CNTNAP2: variants seen among roughly 807,000 people sequenced by gnomAD.
CNTNAP2 encodes contactin-associated protein-like 2.
CNTNAP2 carries 98 observed loss-of-function variants against 155.2 expected under a neutral mutation model. The ratio of observed to expected loss-of-function variants is 0.63; its 90% CI spans 0.54 to 0.75. The LOEUF is 0.75. CNTNAP2 is among the 30% of genes least tolerant of loss of function. The pLI, the probability that CNTNAP2 is intolerant of heterozygous loss-of-function variation, is 0.00. For synonymous variants in CNTNAP2, 651 were observed against 631.2 expected (o/e 1.03, Z -0.47); for missense variants, 1,727 against 1,688.1 (o/e 1.02, Z -0.40).
At chr7:147,514,012 T>G (rs1368970471) in intron 11 of CNTNAP2, among the ~76,000 whole-genome samples, 1 of 152,098 alleles carries the variant, frequency 6.6e-6, no homozygotes, top group African/African-American at 2.4e-5. Flanking sequence ...GACACTCAGA[T>G]CTCTGCTGGA....
In CNTNAP2 at chr7:146,552,861, G is replaced by A. The variant is rs114924137; in HGVS notation, c.98-221410G>A. Among the ~76,000 whole-genome samples the A allele has an allele frequency of 7.8e-3, 1,182 of 152,090 alleles. 13 individuals are homozygous for A. Among genetic ancestry groups the A allele is most frequent in the African/African-American group, 0.027 (1,122 of 41,476 alleles). On this transcript the variant is annotated intron_variant, in intron 1 of 23. Transcript: ENST00000361727. Reference sequence around the variant, plus strand: ...CTGAAAAGTCTTTCCTCAGATAAATGCATGTCTGACTCCCTAATTCCCTTC... The same window carrying A: ...CTGAAAAGTCTTTCCTCAGATAAATACATGTCTGACTCCCTAATTCCCTTC...
chr7:147,299,864 C>CT (rs894074535), intron 8 of CNTNAP2, among the ~76,000 whole-genome samples: 15 of 152,202 alleles, frequency 9.9e-5, no homozygotes, highest in Middle Eastern at 6.8e-3. Context: ...ATCTAAATGA[C>CT]TTTTTTTCAA....
At chr7:146,980,098 C>T (rs778595286) in intron 3 of CNTNAP2, among the ~76,000 whole-genome samples, 5 of 151,780 alleles carry the variant, frequency 3.3e-5, no homozygotes, top group Non-Finnish European at 7.4e-5. Context: ...AAGAAAAGAG[C>T]CCAGGACAGA....
intron 13 of CNTNAP2, among the ~76,000 whole-genome samples, chr7:147,819,413 C>A (rs1020846129): frequency 9.2e-5 from 14 of 152,144 alleles, no homozygotes; most frequent in Admixed American, 6.5e-5. Flanking sequence ...TTTCTCCAAT[C>A]CCATCTAAAT....
At chr7:147,838,975 A>G (rs1330193102) in intron 13 of CNTNAP2, among the ~76,000 whole-genome samples, 4 of 152,102 alleles carry the variant, frequency 2.6e-5, no homozygotes, top group Non-Finnish European at 5.9e-5. Flanking sequence ...GACTCACATG[A>G]TCATAAGGTG....
intron 1 of CNTNAP2, among the ~76,000 whole-genome samples, chr7:146,638,129 G>A (rs555887925): frequency 6.6e-6 from 1 of 152,146 alleles, no homozygotes; most frequent in Non-Finnish European, 1.5e-5. Flanking sequence ...TTCTATTTCT[G>A]TCTGTAAGCG....
At chr7:146,731,073 T>G (rs890805420) in intron 1 of CNTNAP2, among the ~76,000 whole-genome samples, 1 of 152,162 alleles carries the variant, frequency 6.6e-6, no homozygotes, top group Admixed American at 6.5e-5. Flanking sequence ...ATTTTACAGA[T>G]GAGAAAACTG....
chr7:148,028,035 A>G (rs1463315251), intron 15 of CNTNAP2, among the ~76,000 whole-genome samples: 1 of 152,186 alleles, frequency 6.6e-6, no homozygotes, highest in Non-Finnish European at 1.5e-5. Flanking sequence ...ATTCCTTCAT[A>G]CTCATAAACA....
At chr7:146,564,266 G>A (rs1798323913) in intron 1 of CNTNAP2, among the ~76,000 whole-genome samples, 1 of 152,040 alleles carries the variant, frequency 6.6e-6, no homozygotes, top group Non-Finnish European at 1.5e-5. Context: ...ACATTGCTTA[G>A]TGCATAAGAG....
At chr7:146,881,965 T>C (rs962472157) in intron 3 of CNTNAP2, among the ~76,000 whole-genome samples, 3 of 151,934 alleles carry the variant, frequency 2.0e-5, no homozygotes, top group Non-Finnish European at 2.9e-5. Flanking sequence ...GCCTCCTCCT[T>C]CTCTCCTTCC....
chr7:146,712,491 G>GTT (rs531813459), intron 1 of CNTNAP2, among the ~76,000 whole-genome samples: 1 of 142,014 alleles, frequency 7.0e-6, no homozygotes. Flanking sequence ...AGAATAGAAA[G>GTT]TTTTTTTTTT....
At chr7:147,111,665 A>G (rs1165304442) in intron 5 of CNTNAP2, among the ~76,000 whole-genome samples, 4 of 152,134 alleles carry the variant, frequency 2.6e-5, no homozygotes, top group Non-Finnish European at 5.9e-5. Flanking sequence ...TTTGTTGAAG[A>G]TCAGGTGGTT....
At chr7:146,425,061 C>G (rs1336129471) in intron 1 of CNTNAP2, among the ~76,000 whole-genome samples, 1 of 152,106 alleles carries the variant, frequency 6.6e-6, no homozygotes, top group African/African-American at 2.4e-5. Flanking sequence ...GATAGATCCA[C>G]CATGACATCC....
At chr7:147,672,188 T>C (rs141886170) in intron 13 of CNTNAP2, 90 of 152,302 alleles carry the variant, frequency 5.9e-4, no homozygotes, top group Admixed American at 1.4e-3. Context: ...AATTGTACTT[T>C]AGGGAGGTAT....
chr7:147,326,991 AG>A (rs1795473215), intron 9 of CNTNAP2, among the ~76,000 whole-genome samples: 1 of 152,242 alleles, frequency 6.6e-6, no homozygotes, highest in Non-Finnish European at 1.5e-5. Flanking sequence ...GTATGACAAA[AG>A]TAAATGAATA....
rs143859664 is a variant in CNTNAP2 at position 146,771,481 on chromosome 7, A to G, written c.98-2790A>G. Among the ~76,000 whole-genome samples the G allele has an allele frequency of 1.4e-3, 220 of 152,342 alleles. 1 individual carries two copies. The highest frequency in any genetic ancestry group is 5.0e-3 in the African/African-American group (210 of 41,596). On this transcript the variant is annotated intron_variant, in intron 1 of 23. Coordinates refer to ENST00000361727, the MANE Select transcript of CNTNAP2 (RefSeq NM_014141.6). ...TGTATGTTTGTGCTCACAGCTAAACAGAAGTAGATGTTTTCGATTAATATG... is the reference window on the plus strand; with the variant it reads ...TGTATGTTTGTGCTCACAGCTAAACGGAAGTAGATGTTTTCGATTAATATG...
At chr7:146,423,734 T>C (rs1039550008) in intron 1 of CNTNAP2, among the ~76,000 whole-genome samples, 10 of 152,238 alleles carry the variant, frequency 6.6e-5, no homozygotes, top group African/African-American at 2.4e-4. Context: ...AGCATTTATT[T>C]TGCTCAGCAG....
At chr7:146,728,438 G>A (rs6976154) in intron 1 of CNTNAP2, among the ~76,000 whole-genome samples, 7 of 152,010 alleles carry the variant, frequency 4.6e-5, no homozygotes, top group Admixed American at 3.9e-4. Flanking sequence ...GCACTTACTG[G>A]TTTTTTGCTT....
At chr7:147,708,758 T>A (rs1461444339) in intron 13 of CNTNAP2, among the ~76,000 whole-genome samples, 1 of 152,150 alleles carries the variant, frequency 6.6e-6, no homozygotes, top group Admixed American at 6.6e-5. Flanking sequence ...CCCTTCCTTT[T>A]TTGTTTTGGT....
Sources: allele counts gnomAD v4.1 joint callset (sites outside exome capture counted in the v4.1 genomes callset), GRCh38; gene constraint gnomAD v4.1.1; transcripts MANE v1.5; gene names NCBI Gene and HGNC (gene_info 2026-07-23, HGNC 2026-07-21).